The following DROSHA variants were observed in gnomAD, a reference collection of about 807,000 sequenced individuals.
The protein encoded by DROSHA is ribonuclease 3.
Under a neutral mutation model 181.9 loss-of-function variants are expected in DROSHA, and 56 were observed. The ratio of observed to expected loss-of-function variants is 0.31; its 90% CI spans 0.25 to 0.38. The LOEUF is 0.38. Ranked by LOEUF, DROSHA falls within the 10% of genes least tolerant of loss-of-function variation. The probability of loss-of-function intolerance (pLI) is 1.00; values close to 1 mark genes in which losing one functional copy is unlikely to be tolerated. For synonymous variants in DROSHA, 524 were observed against 591.2 expected (o/e 0.89, Z 1.65); for missense variants, 1,218 against 1,743.5 (o/e 0.70, Z 5.37).
intron 26 of DROSHA, among the ~76,000 whole-genome samples, chr5:31,431,017 T>C (rs887000423): frequency 2.6e-5 from 4 of 152,216 alleles, no homozygotes; most frequent in Admixed American, 6.5e-5. Flanking sequence ...AATTGTATTC[T>C]GGTTACAGTC....
intron 23 of DROSHA, among the ~76,000 whole-genome samples, chr5:31,445,939 G>A (rs1417162897): frequency 1.3e-5 from 2 of 152,214 alleles, no homozygotes; most frequent in East Asian, 1.9e-4. Flanking sequence ...ACTAAGTTAA[G>A]AAAATGAAAT....
intron 11 of DROSHA, among the ~76,000 whole-genome samples, chr5:31,495,971 C>T (rs1204514061): frequency 2.0e-5 from 3 of 152,144 alleles, no homozygotes; most frequent in Non-Finnish European, 4.4e-5. Flanking sequence ...GAACCTCTGG[C>T]TACAAGGTGC....
At chr5:31,433,205 T>C (rs1044130693) in intron 25 of DROSHA, among the ~76,000 whole-genome samples, 4 of 152,226 alleles carry the variant, frequency 2.6e-5, no homozygotes, top group African/African-American at 7.2e-5. Context: ...AAATAAGACA[T>C]ATATGCTGTA....
intron 26 of DROSHA, among the ~76,000 whole-genome samples, chr5:31,431,201 A>C (rs1219471266): frequency 6.6e-6 from 1 of 152,132 alleles, no homozygotes; most frequent in African/African-American, 2.4e-5. Flanking sequence ...AATCAAAAGC[A>C]ACACTGGAGT....
chr5:31,475,796 G>A (rs1750292548), intron 16 of DROSHA, among the ~76,000 whole-genome samples: 1 of 152,148 alleles, frequency 6.6e-6, no homozygotes, highest in Non-Finnish European at 1.5e-5. Context: ...GGGAGAGGAG[G>A]ATGACGGAGG....
intron 18 of DROSHA, 29 bp from the exon 19 acceptor site, chr5:31,466,310 G>A: frequency 6.2e-7 from 1 of 1,602,098 alleles, no homozygotes; most frequent in Non-Finnish European, 8.6e-7. Context: ...AAACATCTCA[G>A]GTAAAGAGGA....
chr5:31,407,016 G>C, intron 33 of DROSHA, 71 bp from the exon 34 acceptor site: 2 of 1,356,364 alleles, frequency 1.5e-6, no homozygotes, highest in Non-Finnish European at 2.1e-6. Context: ...TAACTATGAG[G>C]AAAACCATGT....
At chr5:31,448,350 G>A (rs1746555715) in intron 23 of DROSHA, among the ~76,000 whole-genome samples, 197 bp downstream of exon 23, 1 of 152,156 alleles carries the variant, frequency 6.6e-6, no homozygotes, top group Admixed American at 6.5e-5. Flanking sequence ...GGCAGGCTAA[G>A]GAACATGGGA....
At position 31,415,890 on chromosome 5, in the gene DROSHA, C is replaced by T. The variant is rs565021139; in HGVS notation, c.3526-5003G>A. The stretch of plus-strand genomic sequence containing the variant: ...ACCTTGACCCTACTGCATACACCAA[C>T]CTAAAAACTAAAAACTTCAGCATAT... On this transcript the variant is annotated intron_variant, in intron 30 of 35. Transcript: ENST00000344624. Among the ~76,000 whole-genome samples the T allele has an allele frequency of 1.2e-4, 19 of 152,276 alleles. 1 individual carries two copies. The South Asian group carries it at 3.9e-3, about 32-fold the overall frequency.
intron 6 of DROSHA, among the ~76,000 whole-genome samples, chr5:31,520,609 T>G (rs1739781276): frequency 6.6e-6 from 1 of 152,226 alleles, no homozygotes; most frequent in East Asian, 1.9e-4. Flanking sequence ...GTAATAAAAT[T>G]GGGAGAGCTA....
At chr5:31,418,218 G>GGTGT (rs746849120) in intron 30 of DROSHA, among the ~76,000 whole-genome samples, 14 of 149,462 alleles carry the variant, frequency 9.4e-5, no homozygotes, top group East Asian at 3.9e-4. Context: ...ATGTGTGTGT[G>GGTGT]GTGTGTGTGT....
chr5:31,419,851 T>C (rs1286056530), intron 30 of DROSHA, among the ~76,000 whole-genome samples: 1 of 152,222 alleles, frequency 6.6e-6, no homozygotes, highest in Non-Finnish European at 1.5e-5. Context: ...GTTTTTCTAA[T>C]GAACAGTAAG....
intron 27 of DROSHA, among the ~76,000 whole-genome samples, chr5:31,427,077 C>CAA (rs1743562397): frequency 6.6e-6 from 1 of 152,064 alleles, no homozygotes; most frequent in Non-Finnish European, 1.5e-5. Context: ...GTGATGGGTT[C>CAA]AATGTTACAC....
intron 23 of DROSHA, among the ~76,000 whole-genome samples, chr5:31,446,215 G>A (rs1338414320): frequency 6.6e-6 from 1 of 152,128 alleles, no homozygotes; most frequent in Admixed American, 6.5e-5. Context: ...GGGAGGCCAA[G>A]GCGGGCGGAT....
chr5:31,426,655 C>G (rs1324162071), intron 27 of DROSHA, among the ~76,000 whole-genome samples: 1 of 151,724 alleles, frequency 6.6e-6, no homozygotes, highest in Non-Finnish European at 1.5e-5. Context: ...TACATAGGCA[C>G]AAAAAGGTGA....
chr5:31,457,005 T>C (rs1747744264), intron 20 of DROSHA, among the ~76,000 whole-genome samples: 1 of 152,070 alleles, frequency 6.6e-6, no homozygotes, highest in Admixed American at 6.6e-5. Context: ...TCCAGACACA[T>C]TGTTAAGTGA....
intron 25 of DROSHA, among the ~76,000 whole-genome samples, chr5:31,433,369 C>T (rs761244315): frequency 2.0e-5 from 3 of 152,134 alleles, no homozygotes; most frequent in Admixed American, 6.5e-5. Flanking sequence ...TGTTTCACAA[C>T]TTCACTGGGA....
At chr5:31,500,411 G>C (rs771656821) in intron 11 of DROSHA, among the ~76,000 whole-genome samples, 1 of 152,114 alleles carries the variant, frequency 6.6e-6, no homozygotes, top group Non-Finnish European at 1.5e-5. Context: ...ACACCACCAG[G>C]GTATGTTGAG....
intron 7 of DROSHA, 108 bp downstream of exon 7, chr5:31,515,346 T>G: frequency 1.7e-6 from 2 of 1,166,236 alleles, no homozygotes; most frequent in Non-Finnish European, 2.4e-6. Context: ...CCGTGTGTAC[T>G]TTTGTTAAAC....
Sources: gnomAD v4.1 joint callset for allele counts (sites outside exome capture counted in the v4.1 genomes callset) on GRCh38, gnomAD v4.1.1 for gene constraint, MANE v1.5 for transcripts, NCBI Gene and HGNC (gene_info 2026-07-23, HGNC 2026-07-21) for gene names.